Variants in ZNF420 observed in about 807,000 individuals in gnomAD.
ZNF420 encodes the protein zinc finger protein 420, also known as ATM and p53-associated KZNF protein.
ZNF420 carries 31 observed loss-of-function variants against 44.7 expected under a neutral mutation model. The observed-to-expected ratio is 0.69, with a 90% CI of 0.52 to 0.94. The LOEUF (loss-of-function observed/expected upper bound fraction) is 0.94, where lower values mean the gene tolerates loss of function less well. Ranked by LOEUF, ZNF420 falls within the 40% of genes least tolerant of loss-of-function variation. The probability of loss-of-function intolerance (pLI) is 0.00; values close to 1 mark genes in which losing one functional copy is unlikely to be tolerated. For missense variants in ZNF420, 681 were observed against 827.9 expected (o/e 0.82, Z 2.18); for synonymous variants, 245 against 267.4 (o/e 0.92, Z 0.82).
chr19:37,021,430 G>A (rs1325080500), intron 1 of ZNF420, among the ~76,000 whole-genome samples: 1 of 152,028 alleles, frequency 6.6e-6, no homozygotes, highest in Non-Finnish European at 1.5e-5. Context: ...ACCACACCCA[G>A]CTAATTTTGT....
At chr19:37,090,901 C>T in intron 3 of ZNF420, 94 bp from the exon 4 acceptor site, 1 of 1,333,856 alleles carries the variant, frequency 7.5e-7, no homozygotes, top group South Asian at 1.4e-5. Context: ...GCCTGAGCGA[C>T]AGAGCAAGAC....
intron 4 of ZNF420, among the ~76,000 whole-genome samples, chr19:37,094,063 C>A (rs1299456140): frequency 6.6e-6 from 1 of 152,130 alleles, no homozygotes; most frequent in Non-Finnish European, 1.5e-5. Context: ...GGCCACACCC[C>A]AGACCAATTA....
At chr19:37,116,814 C>T (rs139533289) in intron 4 of ZNF420, among the ~76,000 whole-genome samples, 1 of 152,210 alleles carries the variant, frequency 6.6e-6, no homozygotes, top group South Asian at 2.1e-4. Context: ...ATATCCCACA[C>T]CTAGCTCAGA....
chr19:37,040,064 C>A (rs1967425172), intron 1 of ZNF420, among the ~76,000 whole-genome samples: 2 of 152,136 alleles, frequency 1.3e-5, no homozygotes, highest in Admixed American at 1.3e-4. Context: ...TGGACTTATC[C>A]TCTCTATCCA....
At chr19:37,042,376 T>C (rs908743888) in intron 1 of ZNF420, among the ~76,000 whole-genome samples, 1 of 152,248 alleles carries the variant, frequency 6.6e-6, no homozygotes, top group African/African-American at 2.4e-5. Flanking sequence ...TTTTTTCATA[T>C]AGTCTTTAAT....
intron 2 of ZNF420, among the ~76,000 whole-genome samples, chr19:37,088,342 T>C (rs1968947256): frequency 6.6e-6 from 1 of 152,238 alleles, no homozygotes; most frequent in Non-Finnish European, 1.5e-5. Context: ...ATTTATCTAC[T>C]TTCCTATTAT....
chr19:37,079,735 G>A (rs1359837639), intron 1 of ZNF420, among the ~76,000 whole-genome samples: 1 of 152,236 alleles, frequency 6.6e-6, no homozygotes, highest in South Asian at 2.1e-4. Context: ...GACAGCCACT[G>A]GATGCTGTGC....
chr19:37,008,679 G>A (rs573280360), intron 1 of ZNF420, among the ~76,000 whole-genome samples: 2 of 152,196 alleles, frequency 1.3e-5, no homozygotes, highest in Non-Finnish European at 2.9e-5. Context: ...CCTGTCACTG[G>A]AACACTGGCC....
At position 37,129,501 on chromosome 19, in the gene ZNF420, C is replaced by T. The variant is rs914886723; in HGVS notation, c.*443C>T. 1 of 164,652 alleles carries T rather than the reference C, an allele frequency of 6.1e-6. No individual in the cohort carries two copies. Among genetic ancestry groups the T allele is most frequent in the African/African-American group, 2.4e-5 (1 of 41,500 alleles). The allele number at this position is 164,652 out of a possible 1,614,324, so 10.2% of individuals were successfully genotyped here. On this transcript the variant is annotated 3_prime_UTR_variant, in exon 5 of 5. Transcript: ENST00000337995. ...GAATGGTGCCTTGAACGTAGCATAC[C>T]ACAAATATTAGCTACCATTTTCACT... is the stretch of plus-strand genomic sequence containing the variant.
At position 37,119,658 on chromosome 19, in the gene ZNF420, A is replaced by C. The variant is rs111875619; in HGVS notation, c.137-7470A>C. Reference sequence around the variant, plus strand: ...GAAGGAAATAGAGACACAAAAAAAAACCTTCAAAAAATTAATGAATCCAGG... The same window carrying C: ...GAAGGAAATAGAGACACAAAAAAAACCCTTCAAAAAATTAATGAATCCAGG... On this transcript the variant is annotated intron_variant, in intron 4 of 4. Coordinates refer to ENST00000337995, the MANE Select transcript of ZNF420 (RefSeq NM_144689.5). Among the ~76,000 whole-genome samples, 15 of 151,962 alleles carry C rather than the reference A, an allele frequency of 9.9e-5. No homozygotes were observed. In the East Asian group the frequency reaches 2.7e-3, roughly 27 times the overall value.
At chr19:37,096,428 A>C (rs1043447645) in intron 4 of ZNF420, among the ~76,000 whole-genome samples, 1 of 152,218 alleles carries the variant, frequency 6.6e-6, no homozygotes, top group Non-Finnish European at 1.5e-5. Flanking sequence ...GTCCAGGCCA[A>C]GACTGAAAAG....
At chr19:37,033,370 C>T (rs905759264) in intron 1 of ZNF420, among the ~76,000 whole-genome samples, 3 of 152,164 alleles carry the variant, frequency 2.0e-5, no homozygotes, top group Admixed American at 2.0e-4. Flanking sequence ...CTTCATTACT[C>T]TCTCCTCCCA....
At chr19:37,086,177 A>T (rs1028919007) in intron 2 of ZNF420, among the ~76,000 whole-genome samples, 5 of 151,910 alleles carry the variant, frequency 3.3e-5, no homozygotes, top group Non-Finnish European at 1.5e-5. Flanking sequence ...CATAAAATGA[A>T]TGATAGGAGC....
intron 1 of ZNF420, among the ~76,000 whole-genome samples, chr19:37,050,581 C>CTGTA (rs1182356616): frequency 6.6e-6 from 1 of 152,092 alleles, no homozygotes; most frequent in African/African-American, 2.4e-5. Context: ...TGAGACTTTG[C>CTGTA]TGTAGTTGCT....
chr19:37,125,718 C>T (rs1971307866), intron 4 of ZNF420, among the ~76,000 whole-genome samples: 1 of 152,100 alleles, frequency 6.6e-6, no homozygotes, highest in Non-Finnish European at 1.5e-5. Flanking sequence ...GGTTTCAGTC[C>T]TTGGATAACA....
chr19:37,130,099 A>T lies in ZNF420; in HGVS notation c.*1041A>T. On this transcript the variant is annotated 3_prime_UTR_variant, in exon 5 of 5. Coordinates refer to ENST00000337995, the MANE Select transcript of ZNF420 (RefSeq NM_144689.5). ...TATGAGTAGGAGATTTACGAAATCC[A>T]TTTTTCCTGTCTTTTTTTCCGTGCC... 1 of 1,550,366 alleles carries T rather than the reference A, an allele frequency of 6.5e-7. No homozygotes were observed. Among genetic ancestry groups the T allele is most frequent in the Non-Finnish European group, 8.7e-7 (1 of 1,146,916 alleles).
intron 2 of ZNF420, among the ~76,000 whole-genome samples, chr19:37,087,297 ATAAATAAATAAATAAAT>A (rs1968863633): frequency 1.7e-5 from 2 of 119,908 alleles, no homozygotes; most frequent in African/African-American, 7.4e-5. Flanking sequence ...AAAAAAATAA[ATAAATAAATAAATAAAT>A]AAATAAATAA....
rs1971447477 is a variant in ZNF420 at position 37,127,952 on chromosome 19, C to T, written c.961C>T (p.Gln321Ter). The T allele has an allele frequency of 1.2e-6, 2 of 1,613,938 alleles. No individual in the cohort carries two copies. The highest frequency in any genetic ancestry group is 8.5e-7 in the Non-Finnish European group (1 of 1,179,940). ...ECGKAFICGS[Q>*]LSQHQKIHNG... ...TGGAAAAGCTTTTATTTGTGGCTCACAGCTTTCTCAACATCAGAAAATTCA... is the reference window on the plus strand; with the variant it reads ...TGGAAAAGCTTTTATTTGTGGCTCATAGCTTTCTCAACATCAGAAAATTCA... Residue 321 changes from glutamine to a stop codon, truncating the protein, a stop_gained, in exon 5 of 5, where the codon CAG (glutamine) becomes TAG (stop). Coordinates refer to ENST00000337995, the MANE Select transcript of ZNF420 (RefSeq NM_144689.5). LOFTEE classifies it high-confidence loss of function.
At chr19:37,052,138 A>G (rs4805196) in intron 1 of ZNF420, among the ~76,000 whole-genome samples, 111 of 151,768 alleles carry the variant, frequency 7.3e-4, no homozygotes, top group Middle Eastern at 3.4e-3. Flanking sequence ...GTCTCTTTTG[A>G]TCTTTGTTGG....
Sources: gnomAD v4.1 joint callset for allele counts (sites outside exome capture counted in the v4.1 genomes callset) on GRCh38, gnomAD v4.1.1 for gene constraint, MANE v1.5 for transcripts, NCBI Gene and HGNC (gene_info 2026-07-23, HGNC 2026-07-21) for gene names.